The following NECTIN2 variants were observed in gnomAD, a reference collection of about 807,000 sequenced individuals.
NECTIN2 encodes nectin cell adhesion molecule 2.
NECTIN2 carries 23 observed loss-of-function variants against 56.9 expected under a neutral mutation model. The ratio of observed to expected loss-of-function variants is 0.40; its 90% CI spans 0.29 to 0.57. The LOEUF (loss-of-function observed/expected upper bound fraction) is 0.57. NECTIN2 is among the 20% of genes least tolerant of loss of function. NECTIN2 has a pLI of 0.38. For missense variants in NECTIN2, 587 were observed against 718.3 expected (o/e 0.82, Z 2.09); for synonymous variants, 302 against 313.8 (o/e 0.96, Z 0.40).
At chr19:44,885,875 AC>A in intron 6 of NECTIN2, 61 bp from the exon 7 acceptor site, 26 of 1,379,514 alleles carry the variant, frequency 1.9e-5, no homozygotes, top group South Asian at 2.3e-5. Flanking sequence ...ATGTGCCATA[AC>A]CCCGGAGTCA....
At chr19:44,851,255 A>C in intron 1 of NECTIN2, among the ~76,000 whole-genome samples, 1 of 133,306 alleles carries the variant, frequency 7.5e-6, no homozygotes, top group Non-Finnish European at 1.6e-5. Context: ...TTCCCCTCTC[A>C]GACCCAGGAG....
intron 1 of NECTIN2, among the ~76,000 whole-genome samples, chr19:44,849,888 T>C (rs1442420427): frequency 6.6e-6 from 1 of 152,174 alleles, no homozygotes; most frequent in African/African-American, 2.4e-5. Flanking sequence ...GGGTGATGGA[T>C]GGCTAACTCT....
chr19:44,863,203 T>C (rs1454919748), intron 1 of NECTIN2, among the ~76,000 whole-genome samples: 1 of 150,472 alleles, frequency 6.6e-6, no homozygotes, highest in Non-Finnish European at 1.5e-5. Flanking sequence ...GGTGCATTGG[T>C]GCATGCCTAT....
intron 1 of NECTIN2, among the ~76,000 whole-genome samples, chr19:44,852,306 T>C (rs1968908944): frequency 6.6e-6 from 1 of 152,020 alleles, no homozygotes; most frequent in South Asian, 2.1e-4. Context: ...GGTGCCACCA[T>C]GCCCAGCTAA....
At chr19:44,878,783 C>T (rs1458120941) in intron 5 of NECTIN2, 3 of 1,416,400 alleles carry the variant, frequency 2.1e-6, no homozygotes, top group Admixed American at 5.9e-5. Context: ...GAACAGCACA[C>T]TGGACTTCTC....
rs530338975 is a variant in NECTIN2, at chr19:44,849,877, C to A, written c.88+3264C>A. ...CTAATGAAAATGTTCTATAATTGCT[C>A]GGGTGATGGATGGCTAACTCTGAAT... On this transcript the variant is annotated intron_variant, in intron 1 of 8. Coordinates refer to ENST00000252483, the MANE Select transcript of NECTIN2 (RefSeq NM_001042724.2). 2.0e-5 allele frequency among the ~76,000 whole-genome samples: 3 copies of A among 152,208 alleles called. No homozygotes were observed. In the East Asian group the frequency reaches 5.8e-4, roughly 29 times the overall value.
intron 1 of NECTIN2, among the ~76,000 whole-genome samples, chr19:44,852,745 G>A (rs546503387): frequency 3.5e-4 from 53 of 152,194 alleles, no homozygotes; most frequent in African/African-American, 1.2e-3. Context: ...TGTCAAAGAA[G>A]GAGGTGACAG....
chr19:44,887,062 T>TCAGGCG lies in NECTIN2; in HGVS notation c.1347+843_1347+844insCAGGCG, dbSNP rs1363938082. On this transcript the variant is annotated intron_variant, in intron 8 of 8. Transcript: ENST00000252483. ...AAGTCATTAGGTCAATGAAAATTGA[T>TCAGGCG]TATCTGGTCAGGCATGGTGGCTCAC... Among the ~76,000 whole-genome samples the TCAGGCG allele has an allele frequency of 2.0e-5, 3 of 149,342 alleles. No homozygotes were observed. The East Asian group carries it at 6.0e-4, about 30-fold the overall frequency.
intron 6 of NECTIN2, among the ~76,000 whole-genome samples, chr19:44,882,739 C>T (rs192622853): frequency 2.0e-5 from 3 of 148,864 alleles, no homozygotes; most frequent in East Asian, 3.9e-4. Context: ...TGGCTCTGAC[C>T]GCTCCGCTCT....
At chr19:44,859,561 C>T (rs998837623) in intron 1 of NECTIN2, among the ~76,000 whole-genome samples, 1 of 152,170 alleles carries the variant, frequency 6.6e-6, no homozygotes, top group African/African-American at 2.4e-5. Context: ...CCGTGGCTCA[C>T]GCCTGTAATC....
chr19:44,886,076 G>C, intron 7 of NECTIN2, 57 bp from the exon 8 acceptor site: 1 of 1,571,964 alleles, frequency 6.4e-7, no homozygotes, highest in South Asian at 1.1e-5. Flanking sequence ...CTGGCAGGGA[G>C]AAGCTGGCTG....
rs181496841 is a variant in NECTIN2 at position 44,865,704 on chromosome 19, G to A, written c.478+44G>A. On this transcript the variant is annotated intron_variant, in intron 2 of 8. Transcript: ENST00000252483. The surrounding 1 kb of genome is among the most constrained non-coding windows in gnomAD (Gnocchi z 5.2). ...GGAGGCAAGGAGGTGGGAGGGCCGC[G>A]GTGTGGGAGCATCCCCTTGCGGGTC... 3.4e-4 allele frequency: 491 copies of A among 1,465,324 alleles called. No individual in the cohort carries two copies. The Middle Eastern group carries it at 7.0e-3, about 21-fold the overall frequency. The allele number at this position is 1,465,324 out of a possible 1,614,324, so 90.8% of individuals were successfully genotyped here.
chr19:44,863,018 C>T (rs426555), intron 1 of NECTIN2, among the ~76,000 whole-genome samples: 49,274 of 148,054 alleles, frequency 0.33, 9,070 homozygotes, highest in Non-Finnish European at 0.39. Context: ...AAAAATTAGC[C>T]GGGCATGGTA....
At chr19:44,878,665 C>G (rs1969272677) in intron 5 of NECTIN2, 1 of 1,544,814 alleles carries the variant, frequency 6.5e-7, no homozygotes, top group East Asian at 2.3e-5. Flanking sequence ...CCTCCCGCCC[C>G]CGACCTGACC....
chr19:44,882,492 G>A (rs1023118133), intron 6 of NECTIN2, 128 bp downstream of exon 6: 21 of 894,100 alleles, frequency 2.3e-5, no homozygotes, highest in Admixed American at 4.3e-5. Flanking sequence ...AAGGAACTGG[G>A]GTCTAAATGG....
Position 44,888,390 on chromosome 19 carries a change from G to T in NECTIN2, c.*11G>T, listed in dbSNP as rs377411962. On this transcript the variant is annotated 3_prime_UTR_variant, in exon 9 of 9. Transcript: ENST00000252483. ...GCCATGTATGTGTGAGCTGCCATGC[G>T]CCTGGCGTCTCACATCTCACCTGTT... is the stretch of plus-strand genomic sequence containing the variant. 1.2e-6 allele frequency: 2 copies of T among 1,604,948 alleles called. No homozygotes were observed. The highest frequency in any genetic ancestry group is 1.7e-6 in the Non-Finnish European group (2 of 1,172,750).
At position 44,852,242 on chromosome 19, in the gene NECTIN2, C is replaced by T. The variant is rs1968907870; in HGVS notation, c.88+5629C>T. On this transcript the variant is annotated intron_variant, in intron 1 of 8. Transcript: ENST00000252483. ...TTGGCTCACTGCAACCTCCGCCTCC[C>T]AGGTTCAAGCAATTCTTGTGCCTCA... Among the ~76,000 whole-genome samples the T allele has an allele frequency of 2.6e-5, 4 of 152,054 alleles. No individual in the cohort carries two copies. The South Asian group carries it at 8.3e-4, about 31-fold the overall frequency.
At chr19:44,880,918 G>A (rs1235910228) in intron 5 of NECTIN2, among the ~76,000 whole-genome samples, 7 of 151,800 alleles carry the variant, frequency 4.6e-5, no homozygotes, top group Admixed American at 2.6e-4. Context: ...GATTACAGGC[G>A]CGCGCTAGCA....
intron 1 of NECTIN2, among the ~76,000 whole-genome samples, chr19:44,848,956 T>C (rs1003355817): frequency 6.6e-6 from 1 of 151,980 alleles, no homozygotes; most frequent in Non-Finnish European, 1.5e-5. Context: ...CGTGTGTCCA[T>C]GTCCGCCAGG....
Sources: gnomAD v4.1 joint callset for allele counts (sites outside exome capture counted in the v4.1 genomes callset) on GRCh38, gnomAD v4.1.1 for gene constraint, Gnocchi (gnomAD v3.1) non-coding constraint, MANE v1.5 for transcripts, NCBI Gene and HGNC (gene_info 2026-07-23, HGNC 2026-07-21) for gene names.